The following GALNT7 variants were observed in gnomAD, a reference collection of about 807,000 sequenced individuals.
GALNT7 encodes N-acetylgalactosaminyltransferase 7.
A neutral mutation model predicts 82.1 loss-of-function variants in GALNT7; 60 were observed. The ratio of observed to expected loss-of-function variants is 0.73; its 90% CI spans 0.59 to 0.91. The LOEUF (loss-of-function observed/expected upper bound fraction) is 0.91. Among genes scored for constraint, GALNT7 ranks in the 40% least tolerant of loss-of-function variants. The probability of loss-of-function intolerance (pLI) is 0.00; values close to 1 mark genes in which losing one functional copy is unlikely to be tolerated. For missense variants in GALNT7, 660 were observed against 804.2 expected, an observed-to-expected ratio of 0.82 and a Z score of 2.17; for synonymous variants, 243 against 275.1, an observed-to-expected ratio of 0.88 and a Z score of 1.15.
At chr4:173,177,463 G>A (rs1384184834) in intron 1 of GALNT7, among the ~76,000 whole-genome samples, 3 of 152,232 alleles carry the variant, frequency 2.0e-5, no homozygotes, top group East Asian at 1.9e-4. Flanking sequence ...CACAGGGAGT[G>A]GGTTGGTAAG....
intron 2 of GALNT7, among the ~76,000 whole-genome samples, chr4:173,281,099 C>T (rs1736093794): frequency 6.6e-6 from 1 of 152,250 alleles, no homozygotes; most frequent in African/African-American, 2.4e-5. Flanking sequence ...TCCTCTCTTC[C>T]TTTTCTCTCT....
At chr4:173,242,694 G>A (rs1305309103) in intron 1 of GALNT7, among the ~76,000 whole-genome samples, 1 of 152,196 alleles carries the variant, frequency 6.6e-6, no homozygotes, top group Non-Finnish European at 1.5e-5. Context: ...AGAGAAAGAA[G>A]GGTACTGAGG....
At chr4:173,268,546 T>G (rs1735596165) in intron 2 of GALNT7, among the ~76,000 whole-genome samples, 2 of 134,384 alleles carry the variant, frequency 1.5e-5, no homozygotes, top group African/African-American at 5.6e-5. Context: ...TTTTTTTTTT[T>G]TTTTTTTTTT....
chr4:173,275,341 C>T (rs1735862958), intron 2 of GALNT7, among the ~76,000 whole-genome samples: 1 of 152,220 alleles, frequency 6.6e-6, no homozygotes, highest in Non-Finnish European at 1.5e-5. Flanking sequence ...TTGAGGATCA[C>T]TGGCAGCCGA....
intron 1 of GALNT7, among the ~76,000 whole-genome samples, chr4:173,234,146 T>C (rs557198367): frequency 6.6e-6 from 1 of 152,312 alleles, no homozygotes; most frequent in African/African-American, 2.4e-5. Context: ...GTTTTGGTTT[T>C]TGGTTTTCTT....
At chr4:173,298,355 C>A in intron 6 of GALNT7, 58 bp downstream of exon 6, 3 of 1,135,382 alleles carry the variant, frequency 2.6e-6, no homozygotes, top group Non-Finnish European at 3.8e-6. Flanking sequence ...AACCTATTAA[C>A]CTCTTGCCAA....
chr4:173,308,632 C>T (rs1174220915), intron 8 of GALNT7, among the ~76,000 whole-genome samples: 1 of 152,182 alleles, frequency 6.6e-6, no homozygotes, highest in East Asian at 1.9e-4. Flanking sequence ...TGGCCAGGCA[C>T]AGTGGCTCAC....
rs1023385549 is a variant in GALNT7 at position 173,190,069 on chromosome 4, G to T, written c.126+21108G>T. ...AGACTTCATAGTCTTTTATGGTACT[G>T]TTAGGGATCCATGCCCCTTCTCTCT... On this transcript the variant is annotated intron_variant, in intron 1 of 11. Coordinates refer to ENST00000265000, the MANE Select transcript of GALNT7 (RefSeq NM_017423.3). 2.6e-5 allele frequency among the ~76,000 whole-genome samples: 4 copies of T among 151,420 alleles called. No homozygotes were observed. The South Asian group carries it at 8.3e-4, about 32-fold the overall frequency.
rs142951743 is a variant in GALNT7 at position 173,228,537 on chromosome 4, T to C, written c.127-19443T>C. ...TGTTTGTTTCTAGTAGATTGGCTAG[T>C]ATACAGGCTGCAGTGAGCATTTCTG... is the stretch of plus-strand genomic sequence containing the variant. On this transcript the variant is annotated intron_variant, in intron 1 of 11. Transcript: ENST00000265000. Among the ~76,000 whole-genome samples the C allele has an allele frequency of 2.0e-5, 3 of 152,244 alleles. No individual in the cohort carries two copies. The East Asian group carries it at 5.8e-4, about 30-fold the overall frequency.
At chr4:173,189,883 C>CA (rs1732571648) in intron 1 of GALNT7, among the ~76,000 whole-genome samples, 3 of 152,166 alleles carry the variant, frequency 2.0e-5, no homozygotes, top group African/African-American at 7.2e-5. Context: ...ATAGATTCAA[C>CA]TCTCAGTTGA....
At chr4:173,183,699 G>GCC (rs528449674) in intron 1 of GALNT7, among the ~76,000 whole-genome samples, 28 of 151,450 alleles carry the variant, frequency 1.8e-4, no homozygotes, top group African/African-American at 6.8e-4. Flanking sequence ...GGGCAGAAGC[G>GCC]CCCCCCCACC....
intron 1 of GALNT7, among the ~76,000 whole-genome samples, chr4:173,221,902 T>C (rs1253003030): frequency 6.6e-6 from 1 of 152,236 alleles, no homozygotes; most frequent in Non-Finnish European, 1.5e-5. Flanking sequence ...TGGTCAGAGA[T>C]TGTTCTTGTG....
intron 2 of GALNT7, among the ~76,000 whole-genome samples, chr4:173,257,335 A>G (rs1735079850): frequency 6.6e-6 from 1 of 152,298 alleles, no homozygotes; most frequent in African/African-American, 2.4e-5. Context: ...AATATGAATA[A>G]TGGTTGAATA....
intron 1 of GALNT7, among the ~76,000 whole-genome samples, chr4:173,216,577 T>G (rs1318642975): frequency 1.3e-5 from 2 of 151,506 alleles, no homozygotes; most frequent in Admixed American, 6.6e-5. Flanking sequence ...TATTCTTTAG[T>G]AAACATTCAG....
chr4:173,201,140 A>G (rs981095770), intron 1 of GALNT7, among the ~76,000 whole-genome samples: 1 of 152,146 alleles, frequency 6.6e-6, no homozygotes, highest in African/African-American at 2.4e-5. Flanking sequence ...TTTTGAACCT[A>G]CTTTTAACAG....
At chr4:173,314,214 C>A in intron 9 of GALNT7, 38 bp downstream of exon 9, 1 of 1,326,560 alleles carries the variant, frequency 7.5e-7, no homozygotes, top group Non-Finnish European at 1.1e-6. Flanking sequence ...TGTTTGTAGA[C>A]TGAGTTTGGG....
At chr4:173,282,634 G>T (rs1736154952) in intron 2 of GALNT7, among the ~76,000 whole-genome samples, 1 of 152,148 alleles carries the variant, frequency 6.6e-6, no homozygotes. Context: ...TCCTCCCGAG[G>T]CTGGTTTAAG....
intron 1 of GALNT7, among the ~76,000 whole-genome samples, chr4:173,205,197 C>T (rs1733047539): frequency 6.6e-6 from 1 of 152,028 alleles, no homozygotes; most frequent in Admixed American, 6.6e-5. Flanking sequence ...GATCTGAAGC[C>T]TGGGGGGCTG....
intron 1 of GALNT7, among the ~76,000 whole-genome samples, chr4:173,180,326 CTT>C (rs10687213): frequency 2.4e-5 from 3 of 123,172 alleles, no homozygotes; most frequent in Non-Finnish European, 4.9e-5. Flanking sequence ...ATTGGAGTTC[CTT>C]TTTTTTTTTT....
Sources: allele counts gnomAD v4.1 joint callset (sites outside exome capture counted in the v4.1 genomes callset), GRCh38; gene constraint gnomAD v4.1.1; transcripts MANE v1.5; gene names NCBI Gene and HGNC (gene_info 2026-07-23, HGNC 2026-07-21).